Variants in GRIA2 observed in about 807,000 individuals in gnomAD.
GRIA2 encodes glutamate ionotropic receptor AMPA type subunit 2, also known as glutamate receptor 2.
Under a neutral mutation model 97.3 loss-of-function variants are expected in GRIA2, and 14 were observed. That is an observed-to-expected ratio of 0.14 (90% CI 0.10 to 0.23). The LOEUF is 0.23. GRIA2 is among the 10% of genes least tolerant of loss of function. The probability of loss-of-function intolerance (pLI) is 1.00; values close to 1 mark genes in which losing one functional copy is unlikely to be tolerated. For synonymous variants in GRIA2, 412 were observed against 387.8 expected (o/e 1.06, Z -0.73); for missense variants, 558 against 1,069.8 (o/e 0.52, Z 6.67).
intron 12 of GRIA2, among the ~76,000 whole-genome samples, chr4:157,345,526 C>A (rs938858952): frequency 5.3e-5 from 8 of 152,058 alleles, no homozygotes; most frequent in African/African-American, 1.7e-4. Context: ...TTTCTTATCT[C>A]AATAAAATAG....
At chr4:157,262,455 A>G (rs1375583596) in intron 2 of GRIA2, among the ~76,000 whole-genome samples, 1 of 152,032 alleles carries the variant, frequency 6.6e-6, no homozygotes, top group East Asian at 1.9e-4. Context: ...AAAATCAGGA[A>G]GAAGATTGTT....
intron 2 of GRIA2, among the ~76,000 whole-genome samples, chr4:157,274,908 G>C (rs554928166): frequency 2.0e-4 from 30 of 150,868 alleles, no homozygotes; most frequent in African/African-American, 7.2e-4. Flanking sequence ...GGGTCAAATG[G>C]TATTTCTAGT....
chr4:157,360,093 C>A lies in GRIA2; in HGVS notation c.2241C>A (p.Asn747Lys). Residue 747 changes from asparagine to lysine, a missense_variant, in exon 13 of 16, where the codon AAC (asparagine) becomes AAA (lysine). This residue lies in a region of GRIA2 where 125 missense variants were observed against 310.2 expected (regional missense o/e 0.40). Transcript: ENST00000264426. Reference sequence around the variant, plus strand: ...GCGACACCATGAAAGTTGGTGGAAACCTGGATTCCAAAGGCTATGGCATCG... The same window carrying A: ...GCGACACCATGAAAGTTGGTGGAAAACTGGATTCCAAAGGCTATGGCATCG... ...KPCDTMKVGGNLDSKGYGIAT... is the reference protein window; with the variant it reads ...KPCDTMKVGGKLDSKGYGIAT... 6.2e-7 allele frequency: 1 copy of A among 1,613,842 alleles called. No homozygotes were observed. The highest frequency in any genetic ancestry group is 8.5e-7 in the Non-Finnish European group (1 of 1,179,878).
intron 12 of GRIA2, among the ~76,000 whole-genome samples, chr4:157,344,290 T>C (rs1470779821): frequency 2.0e-5 from 3 of 152,100 alleles, no homozygotes; most frequent in Non-Finnish European, 2.9e-5. Flanking sequence ...AATTCTTGTT[T>C]CTATTCCTAA....
chr4:157,317,856 A>G (rs1283691640), intron 5 of GRIA2, 145 bp downstream of exon 5: 1 of 462,570 alleles, frequency 2.2e-6, no homozygotes, highest in Admixed American at 4.1e-5. Context: ...GGCACCTGTA[A>G]TCCCAGCTAC....
chr4:157,281,926 A>G (rs1732617335), intron 2 of GRIA2, among the ~76,000 whole-genome samples: 1 of 152,068 alleles, frequency 6.6e-6, no homozygotes, highest in Non-Finnish European at 1.5e-5. Context: ...TAAGCATCTA[A>G]AAGATACAAA....
chr4:157,309,028 A>G (rs1187792711), intron 3 of GRIA2, among the ~76,000 whole-genome samples: 1 of 152,130 alleles, frequency 6.6e-6, no homozygotes, highest in Non-Finnish European at 1.5e-5. Context: ...CCACCTAGGG[A>G]AATGGGTTAT....
At chr4:157,346,871 G>C (rs1265612884) in intron 12 of GRIA2, among the ~76,000 whole-genome samples, 1 of 152,038 alleles carries the variant, frequency 6.6e-6, no homozygotes, top group Non-Finnish European at 1.5e-5. Context: ...TTTCCTCTCT[G>C]GTTGGCAGTT....
chr4:157,336,107 A>G (rs1735272104), intron 10 of GRIA2, among the ~76,000 whole-genome samples: 1 of 152,050 alleles, frequency 6.6e-6, no homozygotes, highest in African/African-American at 2.4e-5. Flanking sequence ...TATGGGCCAT[A>G]TGTATTGTCA....
At chr4:157,290,255 A>C (rs993203019) in intron 2 of GRIA2, among the ~76,000 whole-genome samples, 1 of 151,878 alleles carries the variant, frequency 6.6e-6, no homozygotes, top group Non-Finnish European at 1.5e-5. Flanking sequence ...GGGAAATATT[A>C]TTTTATGAAA....
intron 2 of GRIA2, among the ~76,000 whole-genome samples, chr4:157,233,648 T>C (rs537504253): frequency 2.1e-4 from 32 of 152,218 alleles, no homozygotes; most frequent in African/African-American, 7.0e-4. Flanking sequence ...CTTAGATTAA[T>C]TTGTCAGAAA....
At chr4:157,309,685 T>A (rs957708965) in intron 3 of GRIA2, among the ~76,000 whole-genome samples, 1 of 152,212 alleles carries the variant, frequency 6.6e-6, no homozygotes, top group Non-Finnish European at 1.5e-5. Flanking sequence ...CAAGGTGAAC[T>A]GCCGGAAATT....
intron 6 of GRIA2, among the ~76,000 whole-genome samples, chr4:157,323,336 C>CAAAAAAA (rs779080483): frequency 3.3e-4 from 17 of 51,474 alleles, no homozygotes; most frequent in Non-Finnish European, 3.8e-4. Context: ...GACTCTGTCT[C>CAAAAAAA]AAAAAAAAAA....
At chr4:157,277,902 G>GTATA in intron 2 of GRIA2, among the ~76,000 whole-genome samples, 1 of 137,984 alleles carries the variant, frequency 7.2e-6, no homozygotes, top group African/African-American at 2.7e-5. Context: ...ATATATATAT[G>GTATA]TATATATGTA....
At chr4:157,233,364 A>G (rs992650915) in intron 2 of GRIA2, among the ~76,000 whole-genome samples, 15 of 152,150 alleles carry the variant, frequency 9.9e-5, no homozygotes, top group Admixed American at 7.2e-4. Flanking sequence ...TTTTTAGCAG[A>G]TATTTCAAGC....
At chr4:157,224,626 G>A (rs958159833) in intron 2 of GRIA2, among the ~76,000 whole-genome samples, 2 of 152,078 alleles carry the variant, frequency 1.3e-5, no homozygotes, top group Non-Finnish European at 2.9e-5. Context: ...AGGGAAAGAT[G>A]CTTATGTAAA....
rs193156093 is a variant in GRIA2, at chr4:157,277,912, A to G, written c.230-25640A>G. ...TATGTATATATATATGTATATATGTATATATATGTATATATATATGTGAGG... is the reference window on the plus strand; with the variant it reads ...TATGTATATATATATGTATATATGTGTATATATGTATATATATATGTGAGG... On this transcript the variant is annotated intron_variant, in intron 2 of 15. Coordinates refer to ENST00000264426, the MANE Select transcript of GRIA2 (RefSeq NM_001083619.3). 5.1e-4 allele frequency among the ~76,000 whole-genome samples: 75 copies of G among 145,844 alleles called. No homozygotes were observed. The East Asian group carries it at 1.0e-2, about 19-fold the overall frequency.
chr4:157,334,163 T>C lies in GRIA2; in HGVS notation c.1266+43T>C, dbSNP rs764448625. On this transcript the variant is annotated intron_variant, in intron 9 of 15. Coordinates refer to ENST00000264426, the MANE Select transcript of GRIA2 (RefSeq NM_001083619.3). Reference sequence around the variant, plus strand: ...CCATGTTTTACTTTGTATTTTCTTATGGCTAATATCTGCAGGAGTAGCTAT... The same window carrying C: ...CCATGTTTTACTTTGTATTTTCTTACGGCTAATATCTGCAGGAGTAGCTAT... 1.8e-5 allele frequency: 17 copies of C among 938,058 alleles called. No individual in the cohort carries two copies. In the East Asian group the frequency reaches 2.9e-4, roughly 16 times the overall value. The allele number at this position is 938,058 out of a possible 1,614,324, so 58.1% of individuals were successfully genotyped here. A position where few individuals can be genotyped will look rare whatever the true frequency, so the allele number is the denominator to read the frequency against.
At chr4:157,234,137 T>C (rs1368268728) in intron 2 of GRIA2, among the ~76,000 whole-genome samples, 2 of 152,136 alleles carry the variant, frequency 1.3e-5, no homozygotes, top group East Asian at 3.9e-4. Flanking sequence ...TGGGGTTCAT[T>C]ATAATGCCTG....
Sources: gnomAD v4.1 joint callset for allele counts (sites outside exome capture counted in the v4.1 genomes callset) on GRCh38, gnomAD v4.1.1 for gene constraint, gnomAD v4.1.1 regional missense constraint, MANE v1.5 for transcripts, NCBI Gene and HGNC (gene_info 2026-07-23, HGNC 2026-07-21) for gene names.